Variants in HCN1 observed in about 807,000 individuals in gnomAD.
The protein encoded by HCN1 is hyperpolarization activated cyclic nucleotide gated potassium channel 1.
HCN1 carries 13 observed loss-of-function variants against 78.9 expected under a neutral mutation model. That is an observed-to-expected ratio of 0.16 (90% CI 0.11 to 0.26). The LOEUF is 0.26. Ranked by LOEUF, HCN1 falls within the 10% of genes least tolerant of loss-of-function variation. HCN1 has a pLI of 1.00. For missense variants in HCN1, 810 were observed against 1,154.3 expected, an observed-to-expected ratio of 0.70 and a Z score of 4.32; for synonymous variants, 552 against 455.5, an observed-to-expected ratio of 1.21 and a Z score of -2.70.
At chr5:45,296,111 A>G (rs569336934) in intron 6 of HCN1, among the ~76,000 whole-genome samples, 63 of 152,162 alleles carry the variant, frequency 4.1e-4, no homozygotes, top group South Asian at 3.7e-3. Context: ...TGAGATTAAA[A>G]GCTCTGAATG....
At chr5:45,572,301 T>G (rs1427625397) in intron 2 of HCN1, among the ~76,000 whole-genome samples, 1 of 152,200 alleles carries the variant, frequency 6.6e-6, no homozygotes. Context: ...ATCAGACTCA[T>G]GAGAAGCACT....
chr5:45,342,548 T>C (rs1203195597), intron 5 of HCN1, among the ~76,000 whole-genome samples: 5 of 152,086 alleles, frequency 3.3e-5, no homozygotes, highest in Non-Finnish European at 5.9e-5. Flanking sequence ...AGCTTATTTC[T>C]TTCTTTTAAC....
intron 2 of HCN1, among the ~76,000 whole-genome samples, chr5:45,571,151 A>G (rs1440716520): frequency 6.6e-6 from 1 of 152,118 alleles, no homozygotes; most frequent in Non-Finnish European, 1.5e-5. Context: ...AGATTGTCCC[A>G]TTATGGTCCC....
At chr5:45,688,095 T>G (rs1739842388) in intron 1 of HCN1, among the ~76,000 whole-genome samples, 1 of 152,160 alleles carries the variant, frequency 6.6e-6, no homozygotes, top group Non-Finnish European at 1.5e-5. Context: ...TAACTTCCTA[T>G]TTTACAAATG....
rs917664728 is a variant in HCN1, at chr5:45,259,803, A to T, written c.*2118T>A. The T allele has an allele frequency of 2.0e-4, 30 of 152,558 alleles. No individual in the cohort carries two copies. The highest frequency in any genetic ancestry group is 7.0e-4 in the African/African-American group (29 of 41,450). 9.5% of individuals were successfully genotyped at this position (152,558 alleles called of 1,614,324 possible). ...ATCAAATGTAAACCTTTAATAATTT[A>T]AAGGACCAATACGTAATCTTAATAA... is the stretch of plus-strand genomic sequence containing the variant. On this transcript the variant is annotated 3_prime_UTR_variant, in exon 8 of 8. Coordinates refer to ENST00000303230, the MANE Select transcript of HCN1 (RefSeq NM_021072.4).
intron 3 of HCN1, among the ~76,000 whole-genome samples, chr5:45,432,325 C>A (rs1384173272): frequency 1.3e-5 from 2 of 152,096 alleles, no homozygotes; most frequent in Non-Finnish European, 2.9e-5. Context: ...GATCAAGGAG[C>A]TTTTTGGTAG....
intron 1 of HCN1, among the ~76,000 whole-genome samples, chr5:45,677,054 T>G (rs1480373413): frequency 1.3e-5 from 2 of 151,846 alleles, no homozygotes; most frequent in African/African-American, 2.4e-5. Context: ...CACAGATGCC[T>G]GAAACATGTG....
intron 5 of HCN1, among the ~76,000 whole-genome samples, chr5:45,335,264 C>T (rs1004677178): frequency 3.3e-5 from 5 of 152,068 alleles, no homozygotes; most frequent in African/African-American, 1.2e-4. Flanking sequence ...TAAAAATAGA[C>T]ATTCTTGCTT....
chr5:45,370,216 C>G (rs930456236), intron 4 of HCN1, among the ~76,000 whole-genome samples: 1 of 151,700 alleles, frequency 6.6e-6, no homozygotes, highest in Non-Finnish European at 1.5e-5. Context: ...ACTACAATTA[C>G]CAAATTTGAT....
intron 3 of HCN1, among the ~76,000 whole-genome samples, chr5:45,416,349 G>A (rs923409111): frequency 6.6e-6 from 1 of 151,824 alleles, no homozygotes; most frequent in African/African-American, 2.4e-5. Flanking sequence ...TGGACTCAAA[G>A]TGCCTAGAGT....
rs558064370 is a variant in HCN1 at position 45,491,542 on chromosome 5, C to A, written c.850-29535G>T. On this transcript the variant is annotated intron_variant, in intron 2 of 7. Coordinates refer to ENST00000303230, the MANE Select transcript of HCN1 (RefSeq NM_021072.4). ...TTGCTAGTTACTTATTAAGAGACTTCATAAATTGCTCAACCTCTTTGAACT... is the reference window on the plus strand; with the variant it reads ...TTGCTAGTTACTTATTAAGAGACTTAATAAATTGCTCAACCTCTTTGAACT... Among the ~76,000 whole-genome samples, 3 of 152,322 alleles carry A rather than the reference C, an allele frequency of 2.0e-5. No individual in the cohort carries two copies. In the South Asian group the frequency reaches 6.2e-4, roughly 32 times the overall value.
intron 2 of HCN1, among the ~76,000 whole-genome samples, chr5:45,517,825 C>A (rs1163163754): frequency 2.6e-5 from 4 of 151,942 alleles, no homozygotes; most frequent in Non-Finnish European, 5.9e-5. Context: ...ATGATAATAT[C>A]CCCAATGAAA....
At chr5:45,290,933 T>C (rs1204883304) in intron 6 of HCN1, among the ~76,000 whole-genome samples, 3 of 152,034 alleles carry the variant, frequency 2.0e-5, no homozygotes, top group Non-Finnish European at 2.9e-5. Flanking sequence ...GTTTCAAATG[T>C]CTTTCACTGA....
chr5:45,313,803 G>A (rs55706118), intron 5 of HCN1, among the ~76,000 whole-genome samples: 1 of 151,906 alleles, frequency 6.6e-6, no homozygotes, highest in Non-Finnish European at 1.5e-5. Context: ...GAAGTGAGAA[G>A]AGAAGTTTAG....
Position 45,373,859 on chromosome 5 carries a change from G to A in HCN1, c.1231-20613C>T, listed in dbSNP as rs571181960. 1.1e-3 allele frequency among the ~76,000 whole-genome samples: 136 copies of A among 127,944 alleles called. 4 individuals are homozygous for A. The highest frequency in any genetic ancestry group is 3.8e-3 in the African/African-American group (127 of 33,010). 83.9% of individuals were successfully genotyped at this position (127,944 alleles called of 152,430 possible). ...ATAATATATTACATACGGTATATAC[G>A]TCATCTATAATATATTACATACGGT... On this transcript the variant is annotated intron_variant, in intron 4 of 7. Coordinates refer to ENST00000303230, the MANE Select transcript of HCN1 (RefSeq NM_021072.4).
intron 1 of HCN1, among the ~76,000 whole-genome samples, chr5:45,687,471 A>C (rs1199256291): frequency 5.9e-5 from 9 of 151,974 alleles, no homozygotes. Flanking sequence ...TCTAATTCTA[A>C]CGGGCTTCCT....
In HCN1 at chr5:45,257,589, C is replaced by A. The variant is rs539723687; in HGVS notation, c.*4332G>T. ...AAATCTCCATTTGTCCCTGTCAAAG[C>A]CTGAATTGGAAGCAGGGTCAGCATT... On this transcript the variant is annotated 3_prime_UTR_variant, in exon 8 of 8. Coordinates refer to ENST00000303230, the MANE Select transcript of HCN1 (RefSeq NM_021072.4). 1.3e-5 allele frequency: 2 copies of A among 152,198 alleles called. No homozygotes were observed. The highest frequency in any genetic ancestry group is 2.1e-4 in the South Asian group (1 of 4,814). 9.4% of individuals were successfully genotyped at this position (152,198 alleles called of 1,614,324 possible).
At chr5:45,402,394 A>G (rs1046639916) in intron 3 of HCN1, among the ~76,000 whole-genome samples, 3 of 152,146 alleles carry the variant, frequency 2.0e-5, no homozygotes, top group Admixed American at 6.6e-5. Context: ...AGTTTTCACA[A>G]CTGGCAGAGG....
intron 2 of HCN1, among the ~76,000 whole-genome samples, chr5:45,498,586 G>T (rs933612722): frequency 2.6e-5 from 4 of 152,154 alleles, no homozygotes; most frequent in African/African-American, 9.7e-5. Flanking sequence ...CTCTCAGCTC[G>T]TCAAAGTCAT....
Sources: gnomAD v4.1 joint callset for allele counts (sites outside exome capture counted in the v4.1 genomes callset) on GRCh38, gnomAD v4.1.1 for gene constraint, MANE v1.5 for transcripts, NCBI Gene and HGNC (gene_info 2026-07-23, HGNC 2026-07-21) for gene names.